Variants in MAF observed in about 807,000 individuals in gnomAD.
MAF encodes the protein MAF bZIP transcription factor.
A neutral mutation model predicts 22.0 loss-of-function variants in MAF; 10 were observed. The ratio of observed to expected loss-of-function variants is 0.45; its 90% CI spans 0.28 to 0.77. The LOEUF (loss-of-function observed/expected upper bound fraction) is 0.77, where lower values mean the gene tolerates loss of function less well. Ranked by LOEUF, MAF falls within the 30% of genes least tolerant of loss-of-function variation. The pLI is 0.12. For missense variants in MAF, 544 were observed against 548.4 expected, an observed-to-expected ratio of 0.99 and a Z score of 0.08; for synonymous variants, 337 against 255.8, an observed-to-expected ratio of 1.32 and a Z score of -3.03.
chr16:79,471,257 A>G, the MAF span, among the ~76,000 whole-genome samples: 1 of 152,208 alleles, frequency 6.6e-6, no homozygotes, highest in Non-Finnish European at 1.5e-5. Context: ...TTTTTTCCTT[A>G]TCTTACAGAT....
At chr16:79,542,196 G>A in the MAF span, among the ~76,000 whole-genome samples, 2 of 152,134 alleles carry the variant, frequency 1.3e-5, no homozygotes, top group African/African-American at 2.4e-5. Flanking sequence ...GCTGAAGAGG[G>A]GAGCGAATGG....
At chr16:79,413,048 A>G in the MAF span, among the ~76,000 whole-genome samples, 1 of 151,974 alleles carries the variant, frequency 6.6e-6, no homozygotes, top group Non-Finnish European at 1.5e-5. Context: ...AAATATTCCT[A>G]TATTATTGCC....
chr16:79,557,065 A>G, the MAF span, among the ~76,000 whole-genome samples: 1 of 151,384 alleles, frequency 6.6e-6, no homozygotes, highest in Non-Finnish European at 1.5e-5. Flanking sequence ...TGATCCTCCC[A>G]GGTAGCTGCA....
At chr16:79,291,132 G>A in the MAF span, among the ~76,000 whole-genome samples, 5 of 152,152 alleles carry the variant, frequency 3.3e-5, no homozygotes. Flanking sequence ...GCTTGTGGAA[G>A]CCCCTGCATT....
the MAF span, among the ~76,000 whole-genome samples, chr16:79,449,723 T>G: frequency 1.3e-5 from 2 of 152,172 alleles, no homozygotes; most frequent in Non-Finnish European, 2.9e-5. Context: ...AGTTTCTCCA[T>G]GTGTAAAATA....
At chr16:79,455,059 G>C in the MAF span, among the ~76,000 whole-genome samples, 1 of 150,820 alleles carries the variant, frequency 6.6e-6, no homozygotes, top group African/African-American at 2.4e-5. Context: ...TCGCACCATT[G>C]CACTACAGCC....
At chr16:79,597,673 CAA>C in intron 1 of MAF, 1 of 1,018,344 alleles carries the variant, frequency 9.8e-7, no homozygotes, top group Non-Finnish European at 1.2e-6. Flanking sequence ...GTTCTAAACT[CAA>C]AAAAGTCATG....
At chr16:79,451,698 T>A in the MAF span, among the ~76,000 whole-genome samples, 10 of 152,118 alleles carry the variant, frequency 6.6e-5, no homozygotes, top group African/African-American at 2.2e-4. Context: ...AATATGCTCA[T>A]TGAAAAAAAA....
chr16:79,582,736 C>T (rs1232313928), downstream of MAF, among the ~76,000 whole-genome samples: 1 of 152,156 alleles, frequency 6.6e-6, no homozygotes, highest in African/African-American at 2.4e-5. Context: ...TCAGTGCCAA[C>T]AGATATATTG....
At chr16:79,302,868 T>C in the MAF span, among the ~76,000 whole-genome samples, 3 of 152,218 alleles carry the variant, frequency 2.0e-5, no homozygotes, top group South Asian at 4.1e-4. Flanking sequence ...AAATAGTCAA[T>C]CTGTTTGTCT....
chr16:79,267,504 T>C, the MAF span, among the ~76,000 whole-genome samples: 1 of 152,186 alleles, frequency 6.6e-6, no homozygotes, highest in African/African-American at 2.4e-5. Context: ...TGCGGGGCTG[T>C]TGTTCTAGGG....
At chr16:79,480,173 C>T in the MAF span, among the ~76,000 whole-genome samples, 65 of 152,172 alleles carry the variant, frequency 4.3e-4, no homozygotes, top group Admixed American at 9.2e-4. Context: ...ACACAGTAAA[C>T]GCGTGAGTAT....
the MAF span, among the ~76,000 whole-genome samples, chr16:79,355,457 T>C: frequency 6.6e-6 from 1 of 152,106 alleles, no homozygotes; most frequent in African/African-American, 2.4e-5. Context: ...CCCATGGCCA[T>C]TGGCCAAACA....
chr16:79,283,517 C>A, the MAF span, among the ~76,000 whole-genome samples: 2 of 152,074 alleles, frequency 1.3e-5, no homozygotes, highest in African/African-American at 4.8e-5. Flanking sequence ...TTTAGGTCAC[C>A]TATATGCTTT....
At chr16:79,441,183 A>G in the MAF span, among the ~76,000 whole-genome samples, 2 of 152,220 alleles carry the variant, frequency 1.3e-5, no homozygotes, top group Non-Finnish European at 2.9e-5. Flanking sequence ...CATTGCACAC[A>G]ATACTTCTGA....
chr16:79,298,272 T>G, the MAF span, among the ~76,000 whole-genome samples: 1 of 152,220 alleles, frequency 6.6e-6, no homozygotes, highest in South Asian at 2.1e-4. Context: ...GCAGCCCTCC[T>G]CAGTTCTAGG....
At chr16:79,560,780 C>T in the MAF span, among the ~76,000 whole-genome samples, 40 of 152,284 alleles carry the variant, frequency 2.6e-4, no homozygotes, top group Admixed American at 9.1e-4. Flanking sequence ...AGCCCATTCA[C>T]GTTTTCATAA....
At chr16:79,592,654 C>T (rs765200654), downstream of MAF, among the ~76,000 whole-genome samples, 1 of 152,182 alleles carries the variant, frequency 6.6e-6, no homozygotes, top group Non-Finnish European at 1.5e-5. Flanking sequence ...AACAAACTTC[C>T]AAGTTTCTCT....
the MAF span, among the ~76,000 whole-genome samples, chr16:79,267,215 C>T: frequency 2.0e-5 from 3 of 152,308 alleles, no homozygotes; most frequent in African/African-American, 4.8e-5. Context: ...AAGATTCACA[C>T]TGATGAAGCA....
Sources: gnomAD v4.1 joint callset for allele counts (sites outside exome capture counted in the v4.1 genomes callset) on GRCh38, gnomAD v4.1.1 for gene constraint, MANE v1.5 for transcripts, NCBI Gene and HGNC (gene_info 2026-07-23, HGNC 2026-07-21) for gene names.